The following RFX3 variants were observed in gnomAD, a reference collection of about 807,000 sequenced individuals.
RFX3 encodes the protein transcription factor RFX3.
Under a neutral mutation model 98.6 loss-of-function variants are expected in RFX3, and 14 were observed. That is an observed-to-expected ratio of 0.14 (90% CI 0.09 to 0.22). RFX3 has a LOEUF of 0.22. RFX3 is among the 10% of genes least tolerant of loss of function. The pLI is 1.00. For missense variants in RFX3, 639 were observed against 926.9 expected, an observed-to-expected ratio of 0.69 and a Z score of 4.03; for synonymous variants, 383 against 328.4, an observed-to-expected ratio of 1.17 and a Z score of -1.80.
rs532750059 is a variant in RFX3, at chr9:3,480,528, T to C, written c.-9+45219A>G. ...ACGAGCATGAATGCCATCAATGTAA[T>C]AGACAACTAAAACATTCAGGCCAAT... On this transcript the variant is annotated intron_variant, in intron 1 of 16. Coordinates refer to ENST00000617270, the MANE Select transcript of RFX3 (RefSeq NM_001282116.2). Among the ~76,000 whole-genome samples, 39 of 152,264 alleles carry C rather than the reference T, an allele frequency of 2.6e-4. No homozygotes were observed. The East Asian group carries it at 3.1e-3, about 12-fold the overall frequency.
At chr9:3,518,079 A>G (rs1192501203) in intron 1 of RFX3, among the ~76,000 whole-genome samples, 1 of 152,242 alleles carries the variant, frequency 6.6e-6, no homozygotes, top group African/African-American at 2.4e-5. Flanking sequence ...GTCCAATAAC[A>G]TGCTACGCAG....
intron 1 of RFX3, among the ~76,000 whole-genome samples, chr9:3,435,802 T>TAAAAAAA (rs34925429): frequency 1.0e-5 from 1 of 97,634 alleles, no homozygotes; most frequent in Non-Finnish European, 2.1e-5. Flanking sequence ...ATCTGCATTG[T>TAAAAAAA]AAAAAAAAAA....
At chr9:3,296,459 T>C (rs1441715113) in intron 5 of RFX3, among the ~76,000 whole-genome samples, 1 of 152,086 alleles carries the variant, frequency 6.6e-6, no homozygotes, top group Non-Finnish European at 1.5e-5. Context: ...TTGTTCTTCT[T>C]ATATAGTTTA....
chr9:3,319,479 A>C (rs1831009430), intron 4 of RFX3, among the ~76,000 whole-genome samples: 1 of 152,112 alleles, frequency 6.6e-6, no homozygotes, highest in Admixed American at 6.6e-5. Context: ...CTGCAATCTT[A>C]AGTATTATTT....
At chr9:3,334,711 A>G (rs1280688161) in intron 3 of RFX3, among the ~76,000 whole-genome samples, 1 of 152,192 alleles carries the variant, frequency 6.6e-6, no homozygotes, top group Non-Finnish European at 1.5e-5. Flanking sequence ...ACAGAATTAT[A>G]TTAAGGAATG....
chr9:3,265,617 G>C (rs1823526316), intron 12 of RFX3, among the ~76,000 whole-genome samples: 1 of 152,126 alleles, frequency 6.6e-6, no homozygotes, highest in Non-Finnish European at 1.5e-5. Flanking sequence ...ATGGCTAGTA[G>C]GAGACAAAGT....
At chr9:3,277,535 A>C in intron 7 of RFX3, 74 bp from the exon 8 acceptor site, 1 of 1,317,332 alleles carries the variant, frequency 7.6e-7, no homozygotes, top group Non-Finnish European at 1.1e-6. Flanking sequence ...GAAACTCCCA[A>C]AGCATTCAGT....
In RFX3 at chr9:3,351,343, G is replaced by A. The variant is rs1835097919; in HGVS notation, c.118-4579C>T. On this transcript the variant is annotated intron_variant, in intron 2 of 16. Transcript: ENST00000617270. ...TATGTAAATATACAAACATATACTA[G>A]TTTAATTAAATAATATAAAAATGAA... Among the ~76,000 whole-genome samples, 5 of 151,774 alleles carry A rather than the reference G, an allele frequency of 3.3e-5. No individual in the cohort carries two copies. The South Asian group carries it at 1.0e-3, about 31-fold the overall frequency.
chr9:3,505,200 TTA>T (rs541112916), intron 1 of RFX3, among the ~76,000 whole-genome samples: 1,888 of 65,426 alleles, frequency 0.029, 81 homozygotes, highest in African/African-American at 0.11. Context: ...GAATATATAT[TTA>T]TATATATATG....
intron 4 of RFX3, among the ~76,000 whole-genome samples, chr9:3,320,347 G>C (rs1831120301): frequency 6.6e-6 from 1 of 152,070 alleles, no homozygotes; most frequent in East Asian, 1.9e-4. Flanking sequence ...GAGGCCAGGA[G>C]TTTGAGACCA....
intron 5 of RFX3, among the ~76,000 whole-genome samples, chr9:3,294,100 A>G (rs2991297): frequency 0.24 from 37,251 of 152,054 alleles, 6,796 homozygotes; most frequent in African/African-American, 0.52. Flanking sequence ...ATTGAATCCA[A>G]GTCTATATTA....
chr9:3,314,351 T>C (rs1168310062), intron 4 of RFX3, among the ~76,000 whole-genome samples: 1 of 152,134 alleles, frequency 6.6e-6, no homozygotes, highest in Admixed American at 6.6e-5. Context: ...CAGGCCTGCC[T>C]TACAAGAGCT....
chr9:3,355,589 C>A (rs937648799), intron 2 of RFX3, among the ~76,000 whole-genome samples: 4 of 151,692 alleles, frequency 2.6e-5, no homozygotes, highest in Non-Finnish European at 5.9e-5. Context: ...TTTAAAAATC[C>A]AGTTACAATT....
chr9:3,261,391 T>A (rs942848346), intron 13 of RFX3, among the ~76,000 whole-genome samples: 5 of 152,168 alleles, frequency 3.3e-5, no homozygotes, highest in African/African-American at 1.2e-4. Flanking sequence ...AATGGAATCA[T>A]GTCACGTGTG....
chr9:3,246,290 G>GT (rs781304245), intron 15 of RFX3, among the ~76,000 whole-genome samples: 86 of 145,958 alleles, frequency 5.9e-4, no homozygotes, highest in Non-Finnish European at 8.5e-4. Context: ...TTTACATGTA[G>GT]TAAAAAAAAA....
intron 5 of RFX3, among the ~76,000 whole-genome samples, chr9:3,297,028 C>A (rs555035768): frequency 5.1e-4 from 77 of 152,064 alleles, no homozygotes; most frequent in Non-Finnish European, 7.8e-4. Context: ...ATTACTTTGA[C>A]TGTAAGAGAA....
At position 3,486,128 on chromosome 9, in the gene RFX3, CAAAAAAAA is replaced by C. The variant is rs772747349; in HGVS notation, c.-9+39611_-9+39618del. On this transcript the variant is annotated intron_variant, in intron 1 of 16. Coordinates refer to ENST00000617270, the MANE Select transcript of RFX3 (RefSeq NM_001282116.2). Reference sequence around the variant, plus strand: ...CAACAAAAGTGAAACTGTCTCAAACCAAAAAAAAAAAAAAAAAAAAAAAAAGAATAATA... The same window carrying C: ...CAACAAAAGTGAAACTGTCTCAAACCAAAAAAAAAAAAAAAAAGAATAATA... Among the ~76,000 whole-genome samples, 457 of 49,202 alleles carry C rather than the reference CAAAAAAAA, an allele frequency of 9.3e-3. 1 individual carries two copies. Among genetic ancestry groups the C allele is most frequent in the African/African-American group, 0.035 (432 of 12,200 alleles). 32.3% of individuals were successfully genotyped at this position (49,202 alleles called of 152,430 possible).
intron 1 of RFX3, among the ~76,000 whole-genome samples, chr9:3,397,084 G>C (rs1054387570): frequency 1.3e-5 from 2 of 152,178 alleles, no homozygotes; most frequent in African/African-American, 4.8e-5. Context: ...ATGTAAATGA[G>C]ATTTGTAAAC....
intron 1 of RFX3, among the ~76,000 whole-genome samples, chr9:3,459,963 T>C (rs1847540183): frequency 6.6e-6 from 1 of 152,060 alleles, no homozygotes; most frequent in African/African-American, 2.4e-5. Flanking sequence ...ATGTACGTAT[T>C]GCTTTTGTAA....
Sources: gnomAD v4.1 joint callset for allele counts (sites outside exome capture counted in the v4.1 genomes callset) on GRCh38, gnomAD v4.1.1 for gene constraint, MANE v1.5 for transcripts, NCBI Gene and HGNC (gene_info 2026-07-23, HGNC 2026-07-21) for gene names.